SEC14L1: variants seen among roughly 807,000 people sequenced by gnomAD.
SEC14L1 encodes SEC14-like protein 1.
SEC14L1 carries 48 observed loss-of-function variants against 85.3 expected under a neutral mutation model. The observed-to-expected ratio is 0.56, with a 90% CI of 0.45 to 0.72. The LOEUF (loss-of-function observed/expected upper bound fraction) is 0.72, where lower values mean the gene tolerates loss of function less well. Ranked by LOEUF, SEC14L1 falls within the 30% of genes least tolerant of loss-of-function variation. The pLI is 0.00. For missense variants in SEC14L1, 682 were observed against 921.4 expected (o/e 0.74, Z 3.36); for synonymous variants, 391 against 355.5 (o/e 1.10, Z -1.12).
At position 77,211,941 on chromosome 17, in the gene SEC14L1, C is replaced by T. The variant is rs1056505235; in HGVS notation, c.1612-9C>T. On this transcript the variant is annotated splice_polypyrimidine_tract_variant and intron_variant, in intron 14 of 16. Coordinates refer to ENST00000436233, the MANE Select transcript of SEC14L1 (RefSeq NM_001143998.2). ...GGATCGTGGCTGCCTAACGCTGCCTCTTTTTCAGATTCTCATTCAGATTGT... is the reference window on the plus strand; with the variant it reads ...GGATCGTGGCTGCCTAACGCTGCCTTTTTTTCAGATTCTCATTCAGATTGT... 1 of 1,613,042 alleles carries T rather than the reference C, an allele frequency of 6.2e-7. No homozygotes were observed. Among genetic ancestry groups the T allele is most frequent in the Non-Finnish European group, 8.5e-7 (1 of 1,179,264 alleles).
intron 3 of SEC14L1, among the ~76,000 whole-genome samples, chr17:77,097,199 A>G (rs932862565): frequency 4.6e-5 from 7 of 152,232 alleles, no homozygotes; most frequent in African/African-American, 1.7e-4. Flanking sequence ...TGGCATGAAC[A>G]TTGCTTATAA....
chr17:77,126,321 G>C (rs1311031794), intron 3 of SEC14L1, among the ~76,000 whole-genome samples: 4 of 152,208 alleles, frequency 2.6e-5, no homozygotes, highest in African/African-American at 9.6e-5. Flanking sequence ...GAAGTGCCTA[G>C]CACAGGGCCT....
At chr17:77,091,710 G>C (rs1002742813) in intron 2 of SEC14L1, among the ~76,000 whole-genome samples, 27 of 152,284 alleles carry the variant, frequency 1.8e-4, no homozygotes, top group African/African-American at 6.3e-4. Flanking sequence ...TGCATCTCCT[G>C]CTCTTCCTCC....
At position 77,216,740 on chromosome 17, in the gene SEC14L1, C is replaced by A; in HGVS notation, c.*2717C>A. The A allele has an allele frequency of 2.6e-6, 3 of 1,137,860 alleles. No homozygotes were observed. The highest frequency in any genetic ancestry group is 3.8e-6 in the Non-Finnish European group (3 of 791,474). 70.5% of individuals were successfully genotyped at this position (1,137,860 alleles called of 1,614,324 possible). The stretch of plus-strand genomic sequence containing the variant: ...AGACTGTAGTGCATCTTGAAGAGCT[C>A]AAAGCACATGACCGCACAAATGCTT... On this transcript the variant is annotated 3_prime_UTR_variant, in exon 17 of 17. Transcript: ENST00000436233.
intron 2 of SEC14L1, among the ~76,000 whole-genome samples, chr17:77,091,470 G>C (rs1971515274): frequency 1.3e-5 from 2 of 152,202 alleles, no homozygotes; most frequent in African/African-American, 4.8e-5. Flanking sequence ...TAGATGATGT[G>C]CTGTCCAGCA....
Position 77,206,645 on chromosome 17 carries a change from A to G in SEC14L1, c.1342-83A>G, listed in dbSNP as rs1313219108. 6.7e-7 allele frequency: 1 copy of G among 1,494,556 alleles called. No individual in the cohort carries two copies. Among genetic ancestry groups the G allele is most frequent in the Non-Finnish European group, 9.1e-7 (1 of 1,102,844 alleles). 92.6% of individuals were successfully genotyped at this position (1,494,556 alleles called of 1,614,324 possible). On this transcript the variant is annotated intron_variant, in intron 12 of 16. Coordinates refer to ENST00000436233, the MANE Select transcript of SEC14L1 (RefSeq NM_001143998.2). The surrounding 1 kb of genome is among the most constrained non-coding windows in gnomAD (Gnocchi z 4.3). Reference sequence around the variant, plus strand: ...TTGAATGTCTTCCCCCCACCCTCCCACTCAGAATACCACATTGTCATTTTA... The same window carrying G: ...TTGAATGTCTTCCCCCCACCCTCCCGCTCAGAATACCACATTGTCATTTTA...
chr17:77,128,303 C>T (rs773156845), intron 3 of SEC14L1, among the ~76,000 whole-genome samples: 4 of 152,302 alleles, frequency 2.6e-5, no homozygotes, highest in Non-Finnish European at 4.4e-5. Flanking sequence ...CAGCACGGCG[C>T]CTGACCAGAG....
chr17:77,155,978 G>A (rs1240917518), intron 3 of SEC14L1, among the ~76,000 whole-genome samples: 7 of 152,088 alleles, frequency 4.6e-5, no homozygotes, highest in Admixed American at 4.6e-4. Context: ...CCTCTCCATG[G>A]CGAGGCCTCC....
At chr17:77,137,993 A>C (rs1972845438), upstream of SEC14L1, among the ~76,000 whole-genome samples, 1 of 152,144 alleles carries the variant, frequency 6.6e-6, no homozygotes, top group Non-Finnish European at 1.5e-5. Flanking sequence ...TTCAGGGAGC[A>C]GAGTTTTTAA....
At chr17:77,115,128 T>G (rs1320195622) in intron 3 of SEC14L1, among the ~76,000 whole-genome samples, 2 of 152,026 alleles carry the variant, frequency 1.3e-5, no homozygotes, top group African/African-American at 4.8e-5. Context: ...AGCTGTGTAT[T>G]TTGTTTAAAG....
At chr17:77,115,217 T>TCA (rs1972144759) in intron 3 of SEC14L1, among the ~76,000 whole-genome samples, 1 of 151,790 alleles carries the variant, frequency 6.6e-6, no homozygotes, top group South Asian at 2.1e-4. Context: ...GATCATGAGG[T>TCA]CAGGAGTTCA....
At position 77,194,723 on chromosome 17, in the gene SEC14L1, G is replaced by T; in HGVS notation, c.521G>T (p.Gly174Val). The change falls in exon 7 of 17, where the codon GGC becomes GTC. Residue 174 changes from glycine to valine, a missense_variant. Gly to Val is a moderately radical substitution (Grantham distance 109). This residue lies in a region of SEC14L1 where 123 missense variants were observed against 100.6 expected (regional missense o/e 1.22). Coordinates refer to ENST00000436233, the MANE Select transcript of SEC14L1 (RefSeq NM_001143998.2). ...EYYLRQLEEEGITFVPRWSPP... is the reference protein window; with the variant it reads ...EYYLRQLEEEVITFVPRWSPP... ...TACCTTCGCCAATTAGAAGAAGAAGGCATAACCTTTGTGCCCCGTTGGAGT... is the reference window on the plus strand; with the variant it reads ...TACCTTCGCCAATTAGAAGAAGAAGTCATAACCTTTGTGCCCCGTTGGAGT... 2 of 1,614,212 alleles carry T rather than the reference G, an allele frequency of 1.2e-6. No homozygotes were observed. Among genetic ancestry groups the T allele is most frequent in the Non-Finnish European group, 1.7e-6 (2 of 1,180,032 alleles).
In SEC14L1 at chr17:77,209,476, G is replaced by A; in HGVS notation, c.1611G>A (p.Glu537=). 6.2e-7 allele frequency: 1 copy of A among 1,613,832 alleles called. No individual in the cohort carries two copies. Among genetic ancestry groups the A allele is most frequent in the Non-Finnish European group, 8.5e-7 (1 of 1,179,968 alleles). Residue 537 remains glutamate, a splice_region_variant and synonymous_variant, in exon 14 of 17, where the codon GAG becomes GAA. Coordinates refer to ENST00000436233, the MANE Select transcript of SEC14L1 (RefSeq NM_001143998.2). ...GCGTCTTCAAAGGAGCCCCACATGA[G>A]GTACGTCCTCCGCCTTCCTGCACCT... The part of the protein sequence containing the change: ...SASVFKGAPH[E]ILIQIVDASS...
chr17:77,214,110 T>A lies in SEC14L1; in HGVS notation c.*87T>A. 6.5e-7 allele frequency: 1 copy of A among 1,536,912 alleles called. No homozygotes were observed. Among genetic ancestry groups the A allele is most frequent in the East Asian group, 2.3e-5 (1 of 43,958 alleles). On this transcript the variant is annotated 3_prime_UTR_variant, in exon 17 of 17. Transcript: ENST00000436233. ...GCACCCGCCCACCCAGCGGCGACAT[T>A]GTACAGACTCCTCTCACCTCTAGAT...
intron 3 of SEC14L1, among the ~76,000 whole-genome samples, chr17:77,158,992 A>G (rs6501940): frequency 1 from 151,240 of 151,240 alleles, 75,620 homozygotes; most frequent in Non-Finnish European, 1. Flanking sequence ...TTTTAATAAA[A>G]ACAGGGTTTC....
chr17:77,112,024 C>G (rs181450559), intron 3 of SEC14L1, among the ~76,000 whole-genome samples: 1 of 152,146 alleles, frequency 6.6e-6, no homozygotes, highest in Non-Finnish European at 1.5e-5. Flanking sequence ...GGGAGGAACC[C>G]GGTGGGAGGT....
chr17:77,191,974 T>A (rs1975564789), intron 5 of SEC14L1, among the ~76,000 whole-genome samples: 1 of 152,016 alleles, frequency 6.6e-6, no homozygotes, highest in Non-Finnish European at 1.5e-5. Flanking sequence ...TTTTTGTATT[T>A]TTAGTAGAGA....
intron 3 of SEC14L1, among the ~76,000 whole-genome samples, chr17:77,189,675 C>T (rs1975430367): frequency 2.0e-5 from 3 of 152,206 alleles, no homozygotes; most frequent in East Asian, 1.9e-4. Context: ...GTCGCCCAGG[C>T]TGGAGTGCAG....
At chr17:77,131,236 C>G (rs1227820142) in intron 3 of SEC14L1, among the ~76,000 whole-genome samples, 1 of 152,200 alleles carries the variant, frequency 6.6e-6, no homozygotes, top group East Asian at 1.9e-4. Context: ...ATAGAGCAGG[C>G]TGGCACCTTG....
Sources: allele counts gnomAD v4.1 joint callset (sites outside exome capture counted in the v4.1 genomes callset), GRCh38; gene constraint gnomAD v4.1.1; regional missense constraint gnomAD v4.1.1; non-coding constraint Gnocchi (gnomAD v3.1); transcripts MANE v1.5; gene names NCBI Gene and HGNC (gene_info 2026-07-23, HGNC 2026-07-21).